TRAIP: variants seen among roughly 807,000 people sequenced by gnomAD.
The protein encoded by TRAIP is TRAF interacting protein.
TRAIP carries 37 observed loss-of-function variants against 65.0 expected under a neutral mutation model. That is an observed-to-expected ratio of 0.57 (90% confidence interval 0.44 to 0.75). TRAIP has a LOEUF of 0.75. Ranked by LOEUF, TRAIP falls within the 30% of genes least tolerant of loss-of-function variation. The pLI is 0.00. For missense variants in TRAIP, 481 were observed against 579.4 expected (o/e 0.83, Z 1.74); for synonymous variants, 187 against 219.1 (o/e 0.85, Z 1.29).
At chr3:49,841,139 T>G (rs1051707178) in intron 7 of TRAIP, 67 bp from the exon 8 acceptor site, 34 of 1,359,688 alleles carry the variant, frequency 2.5e-5, no homozygotes, top group Non-Finnish European at 3.4e-5. Flanking sequence ...GCCACAGCAC[T>G]AATCTAACAC....
Position 49,847,548 on chromosome 3 carries a change from C to A in TRAIP, c.217G>T (p.Val73Phe), listed in dbSNP as rs1011762454. ...ACCTTTAAGAATTCTGCATCCAAGA[C>A]ATTCTCCTCCTCCTGGGCAAGATCA... ...FFDLAQEEENVLDAEFLKNEL... is the reference protein window; with the variant it reads ...FFDLAQEEENFLDAEFLKNEL... Residue 73 changes from valine (V) to phenylalanine (F), a missense_variant, in exon 3 of 15, where the codon GTC becomes TTC. By Grantham distance (50) the Val-to-Phe change is conservative (BLOSUM62 -1). Coordinates refer to ENST00000331456, the MANE Select transcript of TRAIP (RefSeq NM_005879.3). The A allele has an allele frequency of 6.2e-7, 1 of 1,611,998 alleles. No homozygotes were observed. The highest frequency in any genetic ancestry group is 1.3e-5 in the African/African-American group (1 of 74,972).
rs201307512 is a variant in TRAIP at position 49,841,030 on chromosome 3, C to G, written c.660G>C (p.Glu220Asp). 1 of 1,614,182 alleles carries G rather than the reference C, an allele frequency of 6.2e-7. No homozygotes were observed. The highest frequency in any genetic ancestry group is 8.5e-7 in the Non-Finnish European group (1 of 1,180,024). ...AATCCTTCCTCAGCTTGTCAGCCAC[C>G]TCCCCTGAGGCCTTCCGTGCCTCTT... is the stretch of plus-strand genomic sequence containing the variant. ...NLKEARKASG[E>D]VADKLRKDLF... Residue 220 changes from glutamate to aspartate, a missense_variant, in exon 8 of 15, where the codon GAG becomes GAC. Physicochemically the swap from Glu to Asp is conservative, Grantham distance 45. Transcript: ENST00000331456.
At chr3:49,853,581 C>T (rs1236903884) in intron 1 of TRAIP, among the ~76,000 whole-genome samples, 1 of 152,188 alleles carries the variant, frequency 6.6e-6, no homozygotes. Context: ...CACGGTAGCT[C>T]ACGCCTGTAA....
intron 3 of TRAIP, among the ~76,000 whole-genome samples, chr3:49,846,447 T>A (rs1297345767): frequency 1.3e-5 from 2 of 152,118 alleles, no homozygotes; most frequent in Non-Finnish European, 2.9e-5. Flanking sequence ...AAGAGTTTTC[T>A]AATCTGTCAC....
At chr3:49,836,534 C>A (rs915921024) in intron 10 of TRAIP, among the ~76,000 whole-genome samples, 11 of 140,420 alleles carry the variant, frequency 7.8e-5, no homozygotes, top group Admixed American at 4.7e-4. Flanking sequence ...AAAGAAAAAG[C>A]AAAGCAAAGC....
chr3:49,837,251 A>G (rs1351656799), intron 10 of TRAIP, among the ~76,000 whole-genome samples: 1 of 152,058 alleles, frequency 6.6e-6, no homozygotes, highest in Non-Finnish European at 1.5e-5. Flanking sequence ...AGGATTCAAC[A>G]ACTATTTTTG....
At chr3:49,852,111 G>A (rs900089282) in intron 1 of TRAIP, among the ~76,000 whole-genome samples, 2 of 151,578 alleles carry the variant, frequency 1.3e-5, no homozygotes, top group African/African-American at 4.8e-5. Context: ...GCTCACGCCT[G>A]TAATCCCAGC....
chr3:49,841,201 G>A, intron 7 of TRAIP, 129 bp from the exon 8 acceptor site: 1 of 760,614 alleles, frequency 1.3e-6, no homozygotes, highest in South Asian at 1.6e-5. Flanking sequence ...TGACACCTGA[G>A]CCCAACAAGT....
Position 49,829,493 on chromosome 3 carries a change from C to T in TRAIP, c.1252G>A (p.Asp418Asn), listed in dbSNP as rs1279790246. The part of the protein sequence containing the change: ...CSKDVVRTGF[D>N]GLGGRTKFIQ... ...AATTTTGTCCGGCCACCGAGCCCAT[C>T]GAAGCCTGTCCTTACCTAGGGTGGA... Residue 418 changes from aspartate to asparagine, a missense_variant, in exon 14 of 15, where the codon GAT (aspartate) becomes AAT (asparagine). Coordinates refer to ENST00000331456, the MANE Select transcript of TRAIP (RefSeq NM_005879.3). The T allele has an allele frequency of 1.2e-5, 19 of 1,614,002 alleles. No homozygotes were observed. In the Middle Eastern group the frequency reaches 4.9e-4, roughly 42 times the overall value.
At chr3:49,836,625 G>A (rs2081789930) in intron 10 of TRAIP, among the ~76,000 whole-genome samples, 2 of 151,946 alleles carry the variant, frequency 1.3e-5, no homozygotes, top group Non-Finnish European at 2.9e-5. Context: ...GAGGCCAGGA[G>A]TTCAAGACCA....
chr3:49,845,152 T>A (rs1312722800), intron 3 of TRAIP, among the ~76,000 whole-genome samples: 1 of 152,184 alleles, frequency 6.6e-6, no homozygotes. Context: ...AAACCTCCCA[T>A]GTGTCTAGTC....
intron 3 of TRAIP, among the ~76,000 whole-genome samples, chr3:49,846,971 A>G (rs1398679584): frequency 6.6e-6 from 1 of 152,130 alleles, no homozygotes; most frequent in African/African-American, 2.4e-5. Context: ...ACTTCAGGTC[A>G]GGAGTTCGAG....
At chr3:49,836,159 C>A (rs1420962464) in intron 10 of TRAIP, among the ~76,000 whole-genome samples, 1 of 151,292 alleles carries the variant, frequency 6.6e-6, no homozygotes, top group Non-Finnish European at 1.5e-5. Flanking sequence ...GCCACCATAT[C>A]CAGCCAGAGA....
chr3:49,829,982 C>A (rs758578311), intron 12 of TRAIP, 38 bp downstream of exon 12: 8 of 1,613,594 alleles, frequency 5.0e-6, no homozygotes, highest in African/African-American at 1.3e-5. Context: ...TCCAGTCCTG[C>A]CAAAGGTTAG....
Position 49,848,189 on chromosome 3 carries a change from C to G in TRAIP, c.110G>C (p.Trp37Ser), listed in dbSNP as rs552230983. 2 of 1,614,090 alleles carry G rather than the reference C, an allele frequency of 1.2e-6. No individual in the cohort carries two copies. The highest frequency in any genetic ancestry group is 1.7e-6 in the Non-Finnish European group (2 of 1,180,048). Residue 37 changes from tryptophan (W) to serine (S), a missense_variant, in exon 2 of 15, where the codon TGG becomes TCG. Physicochemically the swap from Trp to Ser is radical, Grantham distance 177. Transcript: ENST00000331456. ...GGTCCGACTTGGTGCTGTCTCAAACCACTGAATTAGGCTGGAATGAAAAGC... is the reference window on the plus strand; with the variant it reads ...GGTCCGACTTGGTGCTGTCTCAAACGACTGAATTAGGCTGGAATGAAAAGC... ...HTFHLQCLIQ[W>S]FETAPSRTCP...
intron 13 of TRAIP, 34 bp from the exon 14 acceptor site, chr3:49,829,542 T>C (rs2081713969): frequency 6.2e-7 from 1 of 1,614,006 alleles, no homozygotes; most frequent in East Asian, 2.2e-5. Context: ...TGGGCCAGGC[T>C]AATGGGCTGG....
intron 11 of TRAIP, among the ~76,000 whole-genome samples, chr3:49,831,150 C>G (rs996354655): frequency 4.7e-4 from 71 of 152,324 alleles, no homozygotes; most frequent in African/African-American, 1.7e-3. Flanking sequence ...GTGCCCATGC[C>G]CCCTGAGGTT....
Position 49,847,627 on chromosome 3 carries a change from T to TA in TRAIP, c.157-20dup, listed in dbSNP as rs761638422. On this transcript the variant is annotated intron_variant, in intron 2 of 14. Transcript: ENST00000331456. The stretch of plus-strand genomic sequence containing the variant: ...TGCCAACCTGGATGGGAGAACAAGG[T>TA]AAGAGTATGATTGTGTAGCTGGGTC... The TA allele has an allele frequency of 1.9e-6, 3 of 1,583,730 alleles. No homozygotes were observed. The East Asian group carries it at 6.7e-5, about 36-fold the overall frequency.
At chr3:49,834,129 T>C (rs1364589584) in intron 10 of TRAIP, among the ~76,000 whole-genome samples, 1 of 152,186 alleles carries the variant, frequency 6.6e-6, no homozygotes, top group African/African-American at 2.4e-5. Flanking sequence ...CATGAACTCA[T>C]GGCTCCTGGC....
Sources: allele counts gnomAD v4.1 joint callset (sites outside exome capture counted in the v4.1 genomes callset), GRCh38; gene constraint gnomAD v4.1.1; transcripts MANE v1.5; gene names NCBI Gene and HGNC (gene_info 2026-07-23, HGNC 2026-07-21).